CAMTA1: variants seen among roughly 807,000 people sequenced by gnomAD.
CAMTA1 encodes calmodulin-binding transcription activator 1.
In CAMTA1, 27 loss-of-function variants were observed where a neutral mutation model predicts 170.9. The ratio of observed to expected loss-of-function variants is 0.16; its 90% confidence interval spans 0.12 to 0.22. The LOEUF is 0.22. Among genes scored for constraint, CAMTA1 ranks in the 10% least tolerant of loss-of-function variants. The pLI is 1.00. For missense variants in CAMTA1, 1,619 were observed against 2,217.2 expected (o/e 0.73, Z 5.42); for synonymous variants, 833 against 891.5 (o/e 0.93, Z 1.17).
intron 4 of CAMTA1, among the ~76,000 whole-genome samples, chr1:7,231,995 T>C (rs1662915183): frequency 1.3e-5 from 2 of 152,064 alleles, no homozygotes; most frequent in African/African-American, 4.8e-5. Context: ...CCAACTTTCA[T>C]GTTGGGGGTG....
intron 3 of CAMTA1, among the ~76,000 whole-genome samples, chr1:7,084,668 G>A (rs1222914592): frequency 6.6e-6 from 1 of 152,202 alleles, no homozygotes; most frequent in Non-Finnish European, 1.5e-5. Context: ...AGGGTGCAGC[G>A]GGGTGGCTGC....
intron 11 of CAMTA1, among the ~76,000 whole-genome samples, chr1:7,708,011 A>G (rs188527596): frequency 4.6e-4 from 70 of 152,336 alleles, no homozygotes; most frequent in Admixed American, 3.1e-3. Flanking sequence ...CATTAAAACC[A>G]TGATATGATA....
At chr1:7,694,769 C>T (rs1438841165) in intron 11 of CAMTA1, 1 of 152,494 alleles carries the variant, frequency 6.6e-6, no homozygotes, top group Non-Finnish European at 1.5e-5. Flanking sequence ...CTGTCCCCTC[C>T]TCGATGGCTA....
intron 4 of CAMTA1, among the ~76,000 whole-genome samples, chr1:7,169,409 T>TA (rs1649147952): frequency 6.6e-6 from 1 of 152,266 alleles, no homozygotes. Context: ...TGGTAATTTT[T>TA]ATCTACTGCT....
At chr1:7,604,194 G>A (rs1192570690) in intron 6 of CAMTA1, among the ~76,000 whole-genome samples, 2 of 152,106 alleles carry the variant, frequency 1.3e-5, no homozygotes, top group Non-Finnish European at 1.5e-5. Context: ...TATCTTTGTG[G>A]CGTTCTCTGT....
intron 4 of CAMTA1, among the ~76,000 whole-genome samples, chr1:7,188,242 G>C (rs998019038): frequency 6.6e-6 from 1 of 151,980 alleles, no homozygotes; most frequent in Non-Finnish European, 1.5e-5. Flanking sequence ...ATTTGGGTGG[G>C]GACAGAAAGC....
At chr1:7,130,823 T>C (rs1413319490) in intron 4 of CAMTA1, among the ~76,000 whole-genome samples, 1 of 152,248 alleles carries the variant, frequency 6.6e-6, no homozygotes, top group Non-Finnish European at 1.5e-5. Context: ...CATATTCCAA[T>C]CTTTTGCCTC....
intron 3 of CAMTA1, among the ~76,000 whole-genome samples, chr1:6,905,148 G>T (rs1389038501): frequency 6.7e-6 from 1 of 149,570 alleles, no homozygotes; most frequent in East Asian, 2.0e-4. Context: ...TTGGGCCCTC[G>T]TGAGTCCCTG....
rs1386271580 is a variant in CAMTA1, at chr1:7,751,087, A to T, written c.4690-112A>T. On this transcript the variant is annotated intron_variant, in intron 19 of 22. Transcript: ENST00000303635. Reference sequence around the variant, plus strand: ...GATTAAACCCCGGACAGAGAATGTGATAATAGAGGGGAAAAGCATTTTCTC... The same window carrying T: ...GATTAAACCCCGGACAGAGAATGTGTTAATAGAGGGGAAAAGCATTTTCTC... 3.5e-6 allele frequency: 3 copies of T among 861,354 alleles called. No homozygotes were observed. The African/African-American group carries it at 5.1e-5, about 15-fold the overall frequency. The allele number at this position is 861,354 out of a possible 1,614,324, so 53.4% of individuals were successfully genotyped here. A position where few individuals can be genotyped will look rare whatever the true frequency, so the allele number is the denominator to read the frequency against.
intron 3 of CAMTA1, among the ~76,000 whole-genome samples, chr1:6,923,088 AAGAAC>A (rs1682373616): frequency 6.6e-6 from 1 of 152,218 alleles, no homozygotes; most frequent in Admixed American, 6.5e-5. Flanking sequence ...TGATCAGTAA[AAGAAC>A]AGAGACTTCA....
chr1:7,080,263 G>T (rs1277394267), intron 3 of CAMTA1, among the ~76,000 whole-genome samples: 1 of 151,846 alleles, frequency 6.6e-6, no homozygotes, highest in Non-Finnish European at 1.5e-5. Context: ...TATTCTAAAA[G>T]AAATGTTTTT....
intron 4 of CAMTA1, among the ~76,000 whole-genome samples, chr1:7,212,153 A>AAAAT (rs1379996850): frequency 6.6e-6 from 1 of 152,242 alleles, no homozygotes; most frequent in Non-Finnish European, 1.5e-5. Flanking sequence ...TACTGTGTTC[A>AAAAT]TAAGCCTTTT....
At chr1:7,423,695 C>T (rs879638533) in intron 5 of CAMTA1, among the ~76,000 whole-genome samples, 7 of 152,056 alleles carry the variant, frequency 4.6e-5, no homozygotes, top group Non-Finnish European at 7.4e-5. Context: ...ATAAAATGCG[C>T]AACGACTTCC....
intron 4 of CAMTA1, among the ~76,000 whole-genome samples, chr1:7,147,475 AC>A (rs1170112847): frequency 6.6e-6 from 1 of 151,764 alleles, no homozygotes; most frequent in East Asian, 1.9e-4. Context: ...ACATTCATAT[AC>A]CATGCACACA....
rs1704462961 is a variant in CAMTA1 at position 7,041,523 on chromosome 1, T to C, written c.235-49781T>C. 6.6e-6 allele frequency among the ~76,000 whole-genome samples: 1 copy of C among 152,360 alleles called. No individual in the cohort carries two copies. Among genetic ancestry groups the C allele is most frequent in the Admixed American group, 6.5e-5 (1 of 15,310 alleles). ...GTGTCGTTATGTGGGGCTGAGAAAC[T>C]CTTACGAAATTAAGCATAATGCGAA... On this transcript the variant is annotated intron_variant, in intron 3 of 22. Transcript: ENST00000303635. This position sits in a 1 kb window ranked among gnomAD's most constrained non-coding sequence, Gnocchi z 5.1.
At chr1:7,372,576 G>A (rs1423879684) in intron 5 of CAMTA1, among the ~76,000 whole-genome samples, 2 of 152,206 alleles carry the variant, frequency 1.3e-5, no homozygotes, top group Non-Finnish European at 2.9e-5. Context: ...AGCCTTGCCC[G>A]TGAACACGTC....
intron 6 of CAMTA1, among the ~76,000 whole-genome samples, chr1:7,520,381 A>G (rs1254405866): frequency 2.0e-5 from 3 of 147,412 alleles, no homozygotes; most frequent in East Asian, 2.1e-4. Context: ...ATGTGTGGAC[A>G]GGCGCTGGGT....
chr1:7,677,793 C>G, intron 11 of CAMTA1, 60 bp downstream of exon 11: 1 of 1,563,634 alleles, frequency 6.4e-7, no homozygotes, highest in Admixed American at 1.8e-5. Flanking sequence ...CTTGGGGACT[C>G]TTGCACAAGG....
chr1:7,113,885 TG>T lies in CAMTA1; in HGVS notation c.302+22516del, dbSNP rs1247557162. On this transcript the variant is annotated intron_variant, in intron 4 of 22. Coordinates refer to ENST00000303635, the MANE Select transcript of CAMTA1 (RefSeq NM_015215.4). This position sits in a 1 kb window ranked among gnomAD's most constrained non-coding sequence, Gnocchi z 4.5. ...GTCCAAGGCTACTGGGAGGGTCAGA[TG>T]GTGAAATACACACAGGAAACCTTGG... Among the ~76,000 whole-genome samples the T allele has an allele frequency of 6.6e-6, 1 of 152,230 alleles. No homozygotes were observed. The highest frequency in any genetic ancestry group is 1.5e-5 in the Non-Finnish European group (1 of 68,042).
Sources: allele counts gnomAD v4.1 joint callset (sites outside exome capture counted in the v4.1 genomes callset), GRCh38; gene constraint gnomAD v4.1.1; non-coding constraint Gnocchi (gnomAD v3.1); transcripts MANE v1.5; gene names NCBI Gene and HGNC (gene_info 2026-07-23, HGNC 2026-07-21).